The following NFATC1 variants were observed in gnomAD, a reference collection of about 807,000 sequenced individuals.
NFATC1 encodes nuclear factor of activated T cells 1, also known as nuclear factor of activated T-cells, cytoplasmic 1.
In NFATC1, 22 loss-of-function variants were observed where a neutral mutation model predicts 76.0. That is an observed-to-expected ratio of 0.29 (90% confidence interval 0.21 to 0.41). The LOEUF (loss-of-function observed/expected upper bound fraction) is 0.41. Ranked by LOEUF, NFATC1 falls within the 10% of genes least tolerant of loss-of-function variation. The pLI, the probability that NFATC1 is intolerant of heterozygous loss-of-function variation, is 1.00. For synonymous variants in NFATC1, 704 were observed against 613.1 expected, an observed-to-expected ratio of 1.15 and a Z score of -2.19; for missense variants, 1,357 against 1,337.7, an observed-to-expected ratio of 1.01 and a Z score of -0.23.
chr18:79,437,422 G>T (rs1307596573), intron 3 of NFATC1, among the ~76,000 whole-genome samples: 1 of 152,060 alleles, frequency 6.6e-6, no homozygotes, highest in Non-Finnish European at 1.5e-5. Context: ...CTTGTCACCG[G>T]CTCCTCCTGC....
chr18:79,515,814 A>AT (rs896835112), intron 9 of NFATC1: 1 of 151,856 alleles, frequency 6.6e-6, no homozygotes, highest in African/African-American at 2.4e-5. Flanking sequence ...TAACATTTTT[A>AT]TTTTTTAAAT....
At chr18:79,503,934 T>G (rs1370286522) in intron 9 of NFATC1, among the ~76,000 whole-genome samples, 1 of 152,232 alleles carries the variant, frequency 6.6e-6, no homozygotes, top group African/African-American at 2.4e-5. Context: ...TGAACTAGCC[T>G]CTGCTGGCTT....
chr18:79,397,216 C>T (rs1341577278), intron 1 of NFATC1, among the ~76,000 whole-genome samples: 3 of 152,156 alleles, frequency 2.0e-5, no homozygotes, highest in South Asian at 2.1e-4. Context: ...GAGGTGTGAG[C>T]ATACGAGTTA....
intron 9 of NFATC1, among the ~76,000 whole-genome samples, chr18:79,488,638 G>T (rs1418071231): frequency 6.6e-6 from 1 of 152,224 alleles, no homozygotes; most frequent in Non-Finnish European, 1.5e-5. Context: ...CCATGTCCCT[G>T]CTCTGCAGCC....
chr18:79,415,810 C>T (rs1390993626), intron 2 of NFATC1, among the ~76,000 whole-genome samples: 1 of 151,974 alleles, frequency 6.6e-6, no homozygotes, highest in Non-Finnish European at 1.5e-5. Flanking sequence ...GCCTGTAATC[C>T]CAGCACTTTG....
chr18:79,519,788 C>T (rs368746524), intron 9 of NFATC1, among the ~76,000 whole-genome samples: 15 of 152,332 alleles, frequency 9.8e-5, no homozygotes, highest in Admixed American at 5.9e-4. Context: ...CCTGGGTCTC[C>T]GTCCGTGAAG....
chr18:79,437,833 T>C (rs1023274373), intron 3 of NFATC1, among the ~76,000 whole-genome samples: 13 of 152,164 alleles, frequency 8.5e-5, no homozygotes, highest in Admixed American at 2.6e-4. Context: ...CTGGCTTTTC[T>C]CCTTGTCTCA....
chr18:79,475,511 T>C (rs2089029038), intron 8 of NFATC1, among the ~76,000 whole-genome samples: 1 of 149,850 alleles, frequency 6.7e-6, no homozygotes, highest in Admixed American at 6.6e-5. Flanking sequence ...GATGGAAGCG[T>C]GTTCTCATGC....
intron 3 of NFATC1, among the ~76,000 whole-genome samples, chr18:79,447,360 ATT>A (rs2087253993): frequency 6.6e-6 from 1 of 152,008 alleles, no homozygotes; most frequent in Non-Finnish European, 1.5e-5. Flanking sequence ...CAGGCGTCGC[ATT>A]TTCCTGTGGC....
chr18:79,451,853 T>C lies in NFATC1; in HGVS notation c.1903+37T>C, dbSNP rs754623810. The C allele has an allele frequency of 2.5e-6, 4 of 1,577,332 alleles. No individual in the cohort carries two copies. The South Asian group carries it at 4.7e-5, about 19-fold the overall frequency. ...ACCAGGGGCCATCTGCGGCCTGGGC[T>C]TCGGCGCTGGTGGGAACCGGTTCCC... is the stretch of plus-strand genomic sequence containing the variant. On this transcript the variant is annotated intron_variant, in intron 6 of 9. Coordinates refer to ENST00000427363, the MANE Select transcript of NFATC1 (RefSeq NM_001278669.2).
intron 9 of NFATC1, among the ~76,000 whole-genome samples, chr18:79,489,218 G>T (rs1426404742): frequency 6.6e-6 from 1 of 152,254 alleles, no homozygotes; most frequent in Non-Finnish European, 1.5e-5. Flanking sequence ...GGCTAGGGAT[G>T]TTGGAGCTGC....
At chr18:79,515,740 A>T (rs998448153) in intron 9 of NFATC1, 1 of 151,924 alleles carries the variant, frequency 6.6e-6, no homozygotes, top group Admixed American at 6.6e-5. Context: ...AGCGGGACCT[A>T]CCGAGACCCA....
intron 3 of NFATC1, among the ~76,000 whole-genome samples, chr18:79,442,730 A>G (rs1367827062): frequency 2.6e-5 from 4 of 152,188 alleles, no homozygotes; most frequent in Non-Finnish European, 5.9e-5. Flanking sequence ...CCGGCGGGCC[A>G]CGCCTTGCTG....
chr18:79,450,444 AATAATAT>A (rs1345082786), intron 4 of NFATC1, among the ~76,000 whole-genome samples: 37 of 148,512 alleles, frequency 2.5e-4, no homozygotes, highest in Non-Finnish European at 4.2e-4. Flanking sequence ...TATTTAACCT[AATAATAT>A]ATAATATATA....
At position 79,465,044 on chromosome 18, in the gene NFATC1, C is replaced by T. The variant is rs922264512; in HGVS notation, c.1960-2406C>T. On this transcript the variant is annotated intron_variant, in intron 7 of 9. Transcript: ENST00000427363. The surrounding 1 kb of genome is among the most constrained non-coding windows in gnomAD (Gnocchi z 4.2). ...AACAAAATGGGATGTGCTGTGTCTA[C>T]GGTTTTTGTACTTTCTATAAGTAAG... is the stretch of plus-strand genomic sequence containing the variant. Among the ~76,000 whole-genome samples, 17 of 152,140 alleles carry T rather than the reference C, an allele frequency of 1.1e-4. 1 individual carries two copies. In the South Asian group the frequency reaches 2.1e-3, roughly 19 times the overall value.
chr18:79,501,243 AAATG>A (rs2090006179), intron 9 of NFATC1, among the ~76,000 whole-genome samples: 1 of 152,262 alleles, frequency 6.6e-6, no homozygotes, highest in African/African-American at 2.4e-5. Context: ...TCATTTCAAT[AAATG>A]CAAGAAAAAA....
At position 79,478,473 on chromosome 18, in the gene NFATC1, C is replaced by G. The variant is rs1033268659; in HGVS notation, c.2093-7775C>G. On this transcript the variant is annotated intron_variant, in intron 8 of 9. Transcript: ENST00000427363. ...CTGCCTGCCCTGGGGCTGCATAGAC[C>G]CGGCTGGGGCTTTAGAACAGGAACC... is the stretch of plus-strand genomic sequence containing the variant. Among the ~76,000 whole-genome samples the G allele has an allele frequency of 2.6e-5, 4 of 152,166 alleles. No individual in the cohort carries two copies. The South Asian group carries it at 8.3e-4, about 32-fold the overall frequency.
intron 2 of NFATC1, among the ~76,000 whole-genome samples, chr18:79,426,668 AC>A (rs931662862): frequency 7.9e-5 from 12 of 151,868 alleles, no homozygotes; most frequent in African/African-American, 2.7e-4. Context: ...GGAAGCCCGG[AC>A]CCCCCTGTGA....
intron 9 of NFATC1, among the ~76,000 whole-genome samples, chr18:79,503,563 G>A (rs1231428561): frequency 6.6e-6 from 1 of 152,166 alleles, no homozygotes; most frequent in Non-Finnish European, 1.5e-5. Context: ...TCGCTCCATG[G>A]GTGGCGCACA....
Sources: gnomAD v4.1 joint callset for allele counts (sites outside exome capture counted in the v4.1 genomes callset) on GRCh38, gnomAD v4.1.1 for gene constraint, Gnocchi (gnomAD v3.1) non-coding constraint, MANE v1.5 for transcripts, NCBI Gene and HGNC (gene_info 2026-07-23, HGNC 2026-07-21) for gene names.